The following GHR variants were observed in gnomAD, a reference collection of about 807,000 sequenced individuals.
GHR encodes the protein GH receptor.
GHR carries 35 observed loss-of-function variants against 67.1 expected under a neutral mutation model. The ratio of observed to expected loss-of-function variants is 0.52; its 90% CI spans 0.40 to 0.69. GHR has a LOEUF of 0.69. Ranked by LOEUF, GHR falls within the 30% of genes least tolerant of loss-of-function variation. The pLI, the probability that GHR is intolerant of heterozygous loss-of-function variation, is 0.00. For synonymous variants in GHR, 272 were observed against 269.1 expected (o/e 1.01, Z -0.10); for missense variants, 792 against 764.6 (o/e 1.04, Z -0.42).
At chr5:42,579,168 A>G (rs1315102624) in intron 2 of GHR, among the ~76,000 whole-genome samples, 1 of 148,540 alleles carries the variant, frequency 6.7e-6, no homozygotes, top group Admixed American at 6.7e-5. Context: ...AGATAGATAG[A>G]TAGATAGATA....
intron 2 of GHR, among the ~76,000 whole-genome samples, chr5:42,598,129 C>G (rs1752177593): frequency 6.6e-6 from 1 of 151,884 alleles, no homozygotes; most frequent in Non-Finnish European, 1.5e-5. Context: ...AGGGGACATT[C>G]CTGGTAGAGG....
chr5:42,472,380 A>C lies in GHR; in HGVS notation c.-12+48425A>C, dbSNP rs555701163. Among the ~76,000 whole-genome samples the C allele has an allele frequency of 9.8e-5, 15 of 152,326 alleles. No homozygotes were observed. The East Asian group carries it at 2.3e-3, about 24-fold the overall frequency. On this transcript the variant is annotated intron_variant, in intron 1 of 9. Coordinates refer to ENST00000230882, the MANE Select transcript of GHR (RefSeq NM_000163.5). ...GTGGATTGTATAAATGCTATTGCACAAAAAAGAAGTATATATATACAAATA... is the reference window on the plus strand; with the variant it reads ...GTGGATTGTATAAATGCTATTGCACCAAAAAGAAGTATATATATACAAATA...
intron 2 of GHR, among the ~76,000 whole-genome samples, chr5:42,627,584 T>C (rs1293063443): frequency 6.6e-6 from 1 of 152,234 alleles, no homozygotes; most frequent in Admixed American, 6.5e-5. Flanking sequence ...AGTTCCCTGA[T>C]CCCTCTCACA....
intron 1 of GHR, among the ~76,000 whole-genome samples, chr5:42,463,789 C>T (rs555708744): frequency 3.4e-4 from 52 of 150,928 alleles, no homozygotes; most frequent in African/African-American, 1.2e-3. Context: ...GTCAGGAGAT[C>T]GAGACCATCC....
intron 2 of GHR, among the ~76,000 whole-genome samples, chr5:42,566,245 G>C (rs1749926600): frequency 6.6e-6 from 1 of 152,116 alleles, no homozygotes; most frequent in Non-Finnish European, 1.5e-5. Flanking sequence ...TCAGGCTTTG[G>C]GAGAGATATT....
intron 1 of GHR, among the ~76,000 whole-genome samples, chr5:42,479,658 C>G (rs928722003): frequency 2.0e-5 from 3 of 152,154 alleles, no homozygotes; most frequent in Non-Finnish European, 4.4e-5. Flanking sequence ...TCTAGATTTT[C>G]TAGTTTATTT....
At chr5:42,547,763 T>C (rs1366890282) in intron 1 of GHR, among the ~76,000 whole-genome samples, 1 of 152,194 alleles carries the variant, frequency 6.6e-6, no homozygotes. Context: ...TGCTGACAAA[T>C]GGTTAAATGT....
chr5:42,454,264 C>T (rs1744168195), intron 1 of GHR, among the ~76,000 whole-genome samples: 2 of 152,198 alleles, frequency 1.3e-5, no homozygotes, highest in Admixed American at 6.5e-5. Context: ...TGCTGGCTTT[C>T]TCAAATGCTA....
At chr5:42,483,030 C>T (rs1745723059) in intron 1 of GHR, among the ~76,000 whole-genome samples, 1 of 152,182 alleles carries the variant, frequency 6.6e-6, no homozygotes, top group Non-Finnish European at 1.5e-5. Context: ...GCTCCTCCCC[C>T]AGATCACACA....
intron 1 of GHR, among the ~76,000 whole-genome samples, chr5:42,435,176 A>G (rs1193627126): frequency 1.3e-5 from 2 of 152,190 alleles, no homozygotes; most frequent in East Asian, 1.9e-4. Flanking sequence ...TCCTTTCCCC[A>G]AACAACGAAA....
chr5:42,595,600 A>T (rs1173635559), intron 2 of GHR, among the ~76,000 whole-genome samples: 1 of 152,146 alleles, frequency 6.6e-6, no homozygotes, highest in African/African-American at 2.4e-5. Flanking sequence ...TTTGTTGTGT[A>T]TTTAATTGCC....
chr5:42,424,536 G>A lies in GHR; in HGVS notation c.-12+581G>A. The A allele has an allele frequency of 6.6e-7, 1 of 1,511,114 alleles. No individual in the cohort carries two copies. Among genetic ancestry groups the A allele is most frequent in the Non-Finnish European group, 8.9e-7 (1 of 1,124,812 alleles). The allele number at this position is 1,511,114 out of a possible 1,614,324, so 93.6% of individuals were successfully genotyped here. A position where few individuals can be genotyped will look rare whatever the true frequency, so the allele number is the denominator to read the frequency against. On this transcript the variant is annotated intron_variant, in intron 1 of 9. Transcript: ENST00000230882. This position sits in a 1 kb window ranked among gnomAD's most constrained non-coding sequence, Gnocchi z 4.1. ...TTGCGCGTTTGTGCGGGCCGCAGCC[G>A]CACGTTGGCACCGATGGAACTGGGG...
At chr5:42,503,853 A>C (rs1487487560) in intron 1 of GHR, among the ~76,000 whole-genome samples, 1 of 152,032 alleles carries the variant, frequency 6.6e-6, no homozygotes, top group Non-Finnish European at 1.5e-5. Context: ...TATCTGGGGG[A>C]AGATGTCAGA....
chr5:42,526,179 AG>A (rs1221955575), intron 1 of GHR, among the ~76,000 whole-genome samples: 2 of 152,074 alleles, frequency 1.3e-5, no homozygotes, highest in African/African-American at 4.8e-5. Context: ...TGAATACATA[AG>A]TTATTAAAAA....
At chr5:42,645,351 C>A (rs980358809) in intron 3 of GHR, among the ~76,000 whole-genome samples, 9 of 152,174 alleles carry the variant, frequency 5.9e-5, no homozygotes, top group African/African-American at 1.7e-4. Context: ...CATCTAATAG[C>A]AAACATTGCT....
At chr5:42,681,154 T>C (rs951509986) in intron 3 of GHR, among the ~76,000 whole-genome samples, 2 of 151,588 alleles carry the variant, frequency 1.3e-5, no homozygotes, top group Non-Finnish European at 2.9e-5. Context: ...CAAAAGAAAC[T>C]ACCAGCAGAG....
At chr5:42,682,090 T>C (rs1368163904) in intron 3 of GHR, among the ~76,000 whole-genome samples, 1 of 152,072 alleles carries the variant, frequency 6.6e-6, no homozygotes, top group East Asian at 1.9e-4. Flanking sequence ...TATGCAGCCA[T>C]AAAAAAGGAT....
At chr5:42,675,506 A>G (rs997737886) in intron 3 of GHR, among the ~76,000 whole-genome samples, 1 of 152,236 alleles carries the variant, frequency 6.6e-6, no homozygotes, top group South Asian at 2.1e-4. Flanking sequence ...AGATGATTAA[A>G]TGAAATAATT....
At chr5:42,665,400 C>T (rs552019682) in intron 3 of GHR, among the ~76,000 whole-genome samples, 1,683 of 152,074 alleles carry the variant, frequency 0.011, 39 homozygotes, top group African/African-American at 0.039. Context: ...ATATACACCA[C>T]GGAATACTAT....
Sources: gnomAD v4.1 joint callset for allele counts (sites outside exome capture counted in the v4.1 genomes callset) on GRCh38, gnomAD v4.1.1 for gene constraint, Gnocchi (gnomAD v3.1) non-coding constraint, MANE v1.5 for transcripts, NCBI Gene and HGNC (gene_info 2026-07-23, HGNC 2026-07-21) for gene names.